LRBA: variants seen among roughly 807,000 people sequenced by gnomAD.
LRBA encodes LPS responsive beige-like anchor protein, also known as lipopolysaccharide-responsive and beige-like anchor protein.
A neutral mutation model predicts 330.0 loss-of-function variants in LRBA; 176 were observed. The ratio of observed to expected loss-of-function variants is 0.53; its 90% CI spans 0.47 to 0.60. The LOEUF is 0.60. Among genes scored for constraint, LRBA ranks in the 20% least tolerant of loss-of-function variants. The probability of loss-of-function intolerance (pLI) is 0.00; values close to 1 mark genes in which losing one functional copy is unlikely to be tolerated. For missense variants in LRBA, 3,259 were observed against 3,444.8 expected (o/e 0.95, Z 1.35); for synonymous variants, 1,230 against 1,193.0 (o/e 1.03, Z -0.64).
At chr4:150,694,699 C>A (rs950317808) in intron 36 of LRBA, among the ~76,000 whole-genome samples, 3 of 151,694 alleles carry the variant, frequency 2.0e-5, no homozygotes, top group Non-Finnish European at 4.4e-5. Flanking sequence ...CCTCCCTTCC[C>A]CCCATAACAG....
At chr4:150,347,930 C>T (rs534611914) in intron 48 of LRBA, among the ~76,000 whole-genome samples, 2 of 145,716 alleles carry the variant, frequency 1.4e-5, no homozygotes, top group East Asian at 2.0e-4. Flanking sequence ...TCTTCTAACT[C>T]TCTGCTGTAC....
chr4:150,705,677 C>T (rs556271642), intron 36 of LRBA, among the ~76,000 whole-genome samples: 1 of 151,936 alleles, frequency 6.6e-6, no homozygotes, highest in Admixed American at 6.6e-5. Flanking sequence ...ACATATGTAA[C>T]ATCAAAAAAA....
chr4:150,901,125 T>G (rs191933804), intron 13 of LRBA, among the ~76,000 whole-genome samples: 17 of 151,856 alleles, frequency 1.1e-4, no homozygotes, highest in Admixed American at 9.2e-4. Context: ...TCGTGAAACT[T>G]CGTCTCTACC....
intron 17 of LRBA, among the ~76,000 whole-genome samples, chr4:150,890,744 G>C (rs938132399): frequency 1.3e-5 from 2 of 152,114 alleles, no homozygotes; most frequent in African/African-American, 4.8e-5. Flanking sequence ...TTAGTCACAA[G>C]GACAATGAAG....
In LRBA at chr4:150,487,724, A is replaced by T; in HGVS notation, c.6551+8T>A. On this transcript the variant is annotated splice_region_variant and intron_variant, in intron 42 of 56. Coordinates refer to ENST00000651943, the MANE Select transcript of LRBA (RefSeq NM_001364905.1). Reference sequence around the variant, plus strand: ...TACTTTCCCTAAGTTTCTCATATAAAACAGTACCTGGTTTGAGGCAATCCA... The same window carrying T: ...TACTTTCCCTAAGTTTCTCATATAATACAGTACCTGGTTTGAGGCAATCCA... 6.4e-7 allele frequency: 1 copy of T among 1,567,300 alleles called. No individual in the cohort carries two copies. Among genetic ancestry groups the T allele is most frequent in the East Asian group, 2.3e-5 (1 of 44,390 alleles).
chr4:150,574,390 A>T (rs1000760691), intron 40 of LRBA, among the ~76,000 whole-genome samples: 1 of 152,102 alleles, frequency 6.6e-6, no homozygotes, highest in Non-Finnish European at 1.5e-5. Context: ...CAAAGATGTC[A>T]ACAAATTTAG....
intron 18 of LRBA, 79 bp downstream of exon 18, chr4:150,872,584 G>T: frequency 3.2e-6 from 3 of 937,012 alleles, no homozygotes; most frequent in South Asian, 1.5e-5. Flanking sequence ...GAGGACTATA[G>T]AACAAAATTA....
chr4:150,803,438 T>C (rs1742056148), intron 33 of LRBA, among the ~76,000 whole-genome samples: 1 of 152,058 alleles, frequency 6.6e-6, no homozygotes, highest in South Asian at 2.1e-4. Context: ...ACTTACTACT[T>C]TTGTGAAAAT....
At chr4:150,559,903 AAT>A (rs1768055942) in intron 40 of LRBA, among the ~76,000 whole-genome samples, 2 of 53,330 alleles carry the variant, frequency 3.8e-5, no homozygotes, top group African/African-American at 7.4e-5. Context: ...AATTATATAT[AAT>A]TATATATAAT....
At chr4:150,696,932 T>C (rs1474570699) in intron 36 of LRBA, among the ~76,000 whole-genome samples, 2 of 150,168 alleles carry the variant, frequency 1.3e-5, no homozygotes, top group East Asian at 2.0e-4. Context: ...GAGGATTCCT[T>C]GAGCCCAGGA....
intron 37 of LRBA, among the ~76,000 whole-genome samples, chr4:150,617,445 C>G (rs1205121250): frequency 6.6e-6 from 1 of 151,996 alleles, no homozygotes; most frequent in African/African-American, 2.4e-5. Context: ...AGTTTGGGAC[C>G]AGGCTGGCCA....
At chr4:150,823,837 T>C (rs1188638228) in intron 30 of LRBA, among the ~76,000 whole-genome samples, 1 of 152,164 alleles carries the variant, frequency 6.6e-6, no homozygotes, top group East Asian at 1.9e-4. Context: ...GACAGTATCA[T>C]GCTGTTTTGG....
In LRBA at chr4:150,902,705, G is replaced by C. The variant is rs1730876334; in HGVS notation, c.1756-2488C>G. ...GTACTTTCATTTTCAATAAACTTCTGCTTTTGTTCCTTCATTCTTCCCTTG... is the reference window on the plus strand; with the variant it reads ...GTACTTTCATTTTCAATAAACTTCTCCTTTTGTTCCTTCATTCTTCCCTTG... On this transcript the variant is annotated intron_variant, in intron 13 of 56. Transcript: ENST00000651943. Among the ~76,000 whole-genome samples, 3 of 152,154 alleles carry C rather than the reference G, an allele frequency of 2.0e-5. No homozygotes were observed. The South Asian group carries it at 6.2e-4, about 32-fold the overall frequency.
At chr4:150,962,903 G>A (rs565067647) in intron 2 of LRBA, among the ~76,000 whole-genome samples, 4 of 147,104 alleles carry the variant, frequency 2.7e-5, no homozygotes, top group South Asian at 2.1e-4. Flanking sequence ...GCAGTGAGCC[G>A]ATATCACACC....
chr4:150,757,874 G>C (rs1323605735), intron 35 of LRBA, among the ~76,000 whole-genome samples: 1 of 152,118 alleles, frequency 6.6e-6, no homozygotes, highest in Admixed American at 6.6e-5. Flanking sequence ...AAGGCTGAGT[G>C]TTCTCTATAG....
At chr4:150,906,222 T>C (rs1304354611) in intron 12 of LRBA, 75 bp downstream of exon 12, 1 of 961,484 alleles carries the variant, frequency 1.0e-6, no homozygotes, top group Non-Finnish European at 1.6e-6. Context: ...GCAGACAGAA[T>C]TCCTTAGCCA....
rs369175165 is a variant in LRBA at position 150,325,811 on chromosome 4, C to T, written c.7450G>A (p.Val2484Met). 1.2e-6 allele frequency: 2 copies of T among 1,609,510 alleles called. No individual in the cohort carries two copies. Among genetic ancestry groups the T allele is most frequent in the African/African-American group, 1.3e-5 (1 of 74,806 alleles). Residue 2484 changes from valine to methionine, a missense_variant and splice_region_variant, in exon 49 of 57, where the codon GTG becomes ATG. Physicochemically the swap from Val to Met is conservative, Grantham distance 21. Coordinates refer to ENST00000651943, the MANE Select transcript of LRBA (RefSeq NM_001364905.1). The stretch of plus-strand genomic sequence containing the variant: ...AGGAGAGTAAAAATAGCACTTACCA[C>T]TTGCATGGCAGAACCTCTGGGAGGA... The part of the protein sequence containing the change: ...PHPPRGSAMQ[V>M]SPLMFTDKAQ...
chr4:150,316,840 G>C (rs996974881), intron 50 of LRBA, among the ~76,000 whole-genome samples: 3 of 152,094 alleles, frequency 2.0e-5, no homozygotes, highest in Non-Finnish European at 4.4e-5. Flanking sequence ...ACTCAAGAGA[G>C]AGTCGTGGAC....
chr4:150,741,145 T>C lies in LRBA; in HGVS notation c.5646-5779A>G, dbSNP rs116411911. Reference sequence around the variant, plus strand: ...GCACCAAACAAAAATACACAAAACATAAGAAAAATAGTGACAAAATGAACT... The same window carrying C: ...GCACCAAACAAAAATACACAAAACACAAGAAAAATAGTGACAAAATGAACT... On this transcript the variant is annotated intron_variant, in intron 35 of 56. Coordinates refer to ENST00000651943, the MANE Select transcript of LRBA (RefSeq NM_001364905.1). Among the ~76,000 whole-genome samples the C allele has an allele frequency of 4.6e-3, 697 of 151,992 alleles. 6 individuals carry two copies. Among genetic ancestry groups the C allele is most frequent in the African/African-American group, 0.016 (665 of 41,460 alleles).
Sources: allele counts gnomAD v4.1 joint callset (sites outside exome capture counted in the v4.1 genomes callset), GRCh38; gene constraint gnomAD v4.1.1; transcripts MANE v1.5; gene names NCBI Gene and HGNC (gene_info 2026-07-23, HGNC 2026-07-21).